PDIA2: variants seen among roughly 807,000 people sequenced by gnomAD.
The protein encoded by PDIA2 is protein disulfide isomerase family A member 2.
A neutral mutation model predicts 51.1 loss-of-function variants in PDIA2; 76 were observed. The observed-to-expected ratio is 1.49, with a 90% CI of 1.24 to 1.80. The LOEUF is 1.80. Ranked by LOEUF, PDIA2 falls within the 40% of genes most tolerant of loss-of-function variation. The pLI, the probability that PDIA2 is intolerant of heterozygous loss-of-function variation, is 0.00. For synonymous variants in PDIA2, 429 were observed against 309.9 expected, an observed-to-expected ratio of 1.38 and a Z score of -4.04; for missense variants, 946 against 706.5, an observed-to-expected ratio of 1.34 and a Z score of -3.84.
Position 285,292 on chromosome 16 carries a change from G to A in PDIA2, c.796-20G>A, listed in dbSNP as rs779130759. Reference sequence around the variant, plus strand: ...TAGGCTGGGGGTCCTGTGGAGTCATGAGCACCCTCCCTACTGTAGACGTCT... The same window carrying A: ...TAGGCTGGGGGTCCTGTGGAGTCATAAGCACCCTCCCTACTGTAGACGTCT... On this transcript the variant is annotated intron_variant, in intron 5 of 10. Transcript: ENST00000219406. The A allele has an allele frequency of 6.2e-7, 1 of 1,612,472 alleles. No individual in the cohort carries two copies.
Position 285,569 on chromosome 16 carries a change from A to G in PDIA2, c.985A>G (p.Lys329Glu). 6.2e-7 allele frequency: 1 copy of G among 1,613,096 alleles called. No individual in the cohort carries two copies. Residue 329 changes from lysine to glutamate, a missense_variant, in exon 7 of 11, where the codon AAG becomes GAG. Coordinates refer to ENST00000219406, the MANE Select transcript of PDIA2 (RefSeq NM_006849.4). ...NEHVLQYFGL[K>E]AEAAPTLRLV... Reference sequence around the variant, plus strand: ...GCACGTGCTGCAGTACTTTGGACTCAAGGCTGAGGCAGCCCCCACTCTGCG... The same window carrying G: ...GCACGTGCTGCAGTACTTTGGACTCGAGGCTGAGGCAGCCCCCACTCTGCG...
chr16:284,235 G>C, intron 1 of PDIA2, 152 bp from the exon 2 acceptor site: 1 of 749,496 alleles, frequency 1.3e-6, no homozygotes, highest in South Asian at 1.7e-5. Flanking sequence ...GCAGCCTGGG[G>C]GGCCACGAAG....
In PDIA2 at chr16:284,780, T is replaced by C; in HGVS notation, c.528T>C (p.Ile176=). 1 of 1,570,540 alleles carries C rather than the reference T, an allele frequency of 6.4e-7. No homozygotes were observed. Among genetic ancestry groups the C allele is most frequent in the Non-Finnish European group, 8.6e-7 (1 of 1,162,020 alleles). ...ALIGGRDLVV[I]GFFQDLQDED... ...TCGGTGGCCGGGACCTAGTGGTCAT[T>C]GGCTTCTTCCAGGTGAGCCACTGGG... is the stretch of plus-strand genomic sequence containing the variant. Residue 176 remains isoleucine (I), a synonymous_variant, in exon 3 of 11, where the codon ATT becomes ATC. Coordinates refer to ENST00000219406, the MANE Select transcript of PDIA2 (RefSeq NM_006849.4).
Position 286,666 on chromosome 16 carries a change from C to A in PDIA2, c.1353C>A (p.Asn451Lys). 2 of 1,612,670 alleles carry A rather than the reference C, an allele frequency of 1.2e-6. No homozygotes were observed. The highest frequency in any genetic ancestry group is 1.7e-6 in the Non-Finnish European group (2 of 1,179,792). ...TTGCTGAGCTGGATGCCACGGCCAA[C>A]GAGCTGGATGCCTTCGCTGTGCACG... ...IIIAELDATA[N>K]ELDAFAVHGF... Residue 451 changes from asparagine (N) to lysine (K), a missense_variant, in exon 9 of 11, where the codon AAC becomes AAA. Physicochemically the swap from Asn to Lys is moderately conservative, Grantham distance 94. Coordinates refer to ENST00000219406, the MANE Select transcript of PDIA2 (RefSeq NM_006849.4).
At position 287,099 on chromosome 16, in the gene PDIA2, A is replaced by G. The variant is rs999600496; in HGVS notation, c.1564A>G (p.Lys522Glu). The change falls in exon 11 of 11, where the codon AAG (lysine) becomes GAG (glutamate). Residue 522 changes from lysine (K) to glutamate (E), a missense_variant. Coordinates refer to ENST00000219406, the MANE Select transcript of PDIA2 (RefSeq NM_006849.4). ...EPPANSTMGS[K>E]EEL ...ACCGGCCAACTCCACTATGGGGTCC[A>G]AGGAGGAACTGTAGCTGCCCCCGTG... The G allele has an allele frequency of 2.5e-6, 4 of 1,612,636 alleles. No individual in the cohort carries two copies. Among genetic ancestry groups the G allele is most frequent in the Non-Finnish European group, 3.4e-6 (4 of 1,179,954 alleles).
intron 1 of PDIA2, chr16:284,159 A>G: frequency 6.8e-6 from 4 of 590,894 alleles, no homozygotes; most frequent in Non-Finnish European, 1.2e-5. Flanking sequence ...TGAGCCACTG[A>G]GCCTGGCTGT....
At chr16:284,326 G>A (rs770510878) in intron 1 of PDIA2, 61 bp from the exon 2 acceptor site, 1 of 1,460,954 alleles carries the variant, frequency 6.8e-7, no homozygotes, top group Non-Finnish European at 9.2e-7. Flanking sequence ...GGGTTGTCAG[G>A]TGTGGAGAGG....
Position 286,731 on chromosome 16 carries a change from G to A in PDIA2, c.1418G>A (p.Arg473Gln), listed in dbSNP as rs116969376. 6.6e-3 allele frequency: 10,723 copies of A among 1,612,868 alleles called. 45 individuals are homozygous for A. Among genetic ancestry groups the A allele is most frequent in the Middle Eastern group, 9.7e-3 (59 of 6,062 alleles). Residue 473 changes from arginine to glutamine, a missense_variant, in exon 9 of 11, where the codon CGG becomes CAG. Transcript: ENST00000219406. ...AAGTACTTCCCAGCAGGGCCAGGTC[G>A]GAAGGTATGGCGGACAGGTGGCTGG... is the stretch of plus-strand genomic sequence containing the variant. ...TLKYFPAGPG[R>Q]KVIEYKSTRD...
Position 285,353 on chromosome 16 carries a change from G to A in PDIA2, c.837G>A (p.Leu279=). The stretch of plus-strand genomic sequence containing the variant: ...TCGCGGCCAGGATCCTCAACCACCT[G>A]CTGCTGTTTGTCAACCAGACGCTGG... ...KIFAARILNH[L]LLFVNQTLAA... is the part of the protein sequence containing the mutation. Residue 279 remains leucine (L), a synonymous_variant, in exon 6 of 11, where the codon CTG becomes CTA. Transcript: ENST00000219406. The A allele has an allele frequency of 1.9e-6, 3 of 1,612,970 alleles. No homozygotes were observed. The highest frequency in any genetic ancestry group is 2.5e-6 in the Non-Finnish European group (3 of 1,179,924).
chr16:285,907 A>G (rs2052355421), intron 7 of PDIA2, among the ~76,000 whole-genome samples: 2 of 100,128 alleles, frequency 2.0e-5, no homozygotes, highest in Non-Finnish European at 3.8e-5. Flanking sequence ...GGTTCTCCCA[A>G]CCCCAACCCC....
chr16:284,857 T>G lies in PDIA2; in HGVS notation c.541-21T>G, dbSNP rs767928880. 2.5e-6 allele frequency: 4 copies of G among 1,610,194 alleles called. No individual in the cohort carries two copies. In the South Asian group the frequency reaches 4.4e-5, roughly 18 times the overall value. ...TGACTGTGGGTGGGACCGGGTGGCC[T>G]CACAGGGCCAGGCCCCTCAGGACCT... On this transcript the variant is annotated intron_variant, in intron 3 of 10. Coordinates refer to ENST00000219406, the MANE Select transcript of PDIA2 (RefSeq NM_006849.4).
chr16:285,625 T>C lies in PDIA2; in HGVS notation c.1041T>C (p.Tyr347=), dbSNP rs746279682. The change falls in exon 7 of 11, where the codon TAT becomes TAC. Residue 347 remains tyrosine (Y), a synonymous_variant. Transcript: ENST00000219406. The part of the protein sequence containing the change: ...RLVNLETTKK[Y]APVDGGPVTA... ...TCAACCTTGAAACCACTAAGAAGTA[T>C]GCGCCTGTGGATGGGGGCCCTGTCA... is the stretch of plus-strand genomic sequence containing the variant. The C allele has an allele frequency of 1.3e-5, 21 of 1,613,232 alleles. No individual in the cohort carries two copies. Among genetic ancestry groups the C allele is most frequent in the South Asian group, 6.6e-5 (6 of 91,086 alleles).
intron 10 of PDIA2, 52 bp from the exon 11 acceptor site, chr16:287,017 G>T: frequency 1.3e-5 from 21 of 1,612,152 alleles, no homozygotes; most frequent in Non-Finnish European, 1.7e-5. Context: ...AGGGGCGGGG[G>T]CAGGGGTAGG....
rs760347634 is a variant in PDIA2, at chr16:285,491, G to A, written c.922-15G>A. ...CGGGAGAGTGGCCGGTGCCAGCATG[G>A]ACTCCCTGCCACAGGTGCTGTTCGT... On this transcript the variant is annotated splice_polypyrimidine_tract_variant and intron_variant, in intron 6 of 10. Coordinates refer to ENST00000219406, the MANE Select transcript of PDIA2 (RefSeq NM_006849.4). 11 of 1,612,234 alleles carry A rather than the reference G, an allele frequency of 6.8e-6. No individual in the cohort carries two copies. The highest frequency in any genetic ancestry group is 9.3e-6 in the Non-Finnish European group (11 of 1,179,880).
chr16:283,733 C>T (rs2141446611), intron 1 of PDIA2, among the ~76,000 whole-genome samples: 1 of 152,368 alleles, frequency 6.6e-6, no homozygotes, highest in African/African-American at 2.4e-5. Context: ...ATGGAGGTCC[C>T]TGACGTGTGT....
At position 286,345 on chromosome 16, in the gene PDIA2, T is replaced by C; in HGVS notation, c.1120-8T>C. ...CCCTGGCAAAGCGCCTGTCCTGGTT[T>C]CCCCCAGCCCTATCTCCTGAGCCAG... On this transcript the variant is annotated splice_polypyrimidine_tract_variant and splice_region_variant and intron_variant, in intron 7 of 10. Coordinates refer to ENST00000219406, the MANE Select transcript of PDIA2 (RefSeq NM_006849.4). 1 of 1,603,784 alleles carries C rather than the reference T, an allele frequency of 6.2e-7. No homozygotes were observed. Among genetic ancestry groups the C allele is most frequent in the East Asian group, 2.2e-5 (1 of 44,522 alleles).
In PDIA2 at chr16:284,604, G is replaced by A. The variant is rs201969155; in HGVS notation, c.406+11G>A. 16 of 1,608,384 alleles carry A rather than the reference G, an allele frequency of 9.9e-6. No individual in the cohort carries two copies. The highest frequency in any genetic ancestry group is 2.7e-5 in the African/African-American group (2 of 73,166). On this transcript the variant is annotated intron_variant, in intron 2 of 10. Coordinates refer to ENST00000219406, the MANE Select transcript of PDIA2 (RefSeq NM_006849.4). ...CGGAGGAGTACACAGGTGAGGGGCA[G>A]GCCGGTCATTGGGGGGGCGGTGGCC... is the stretch of plus-strand genomic sequence containing the variant.
rs2052341031 is a variant in PDIA2 at position 285,428 on chromosome 16, C to T, written c.912C>T (p.Phe304=). Residue 304 remains phenylalanine, a synonymous_variant, in exon 6 of 11, where the codon TTC becomes TTT. Coordinates refer to ENST00000219406, the MANE Select transcript of PDIA2 (RefSeq NM_006849.4). Reference sequence around the variant, plus strand: ...GCTTTGGGGAGGCAGCTCCCCGCTTCCGGGGGCAGGTACTGGGGGGCTGGG... The same window carrying T: ...GCTTTGGGGAGGCAGCTCCCCGCTTTCGGGGGCAGGTACTGGGGGGCTGGG... ...LAGFGEAAPR[F]RGQVLFVVVD... The T allele has an allele frequency of 1.9e-6, 3 of 1,611,018 alleles. No individual in the cohort carries two copies. Among genetic ancestry groups the T allele is most frequent in the Non-Finnish European group, 2.5e-6 (3 of 1,179,334 alleles).
rs776288299 is a variant in PDIA2, at chr16:286,646, G to A, written c.1333G>A (p.Glu445Lys). 1 of 1,612,636 alleles carries A rather than the reference G, an allele frequency of 6.2e-7. No homozygotes were observed. The highest frequency in any genetic ancestry group is 1.3e-5 in the African/African-American group (1 of 75,048). The change falls in exon 9 of 11, where the codon GAG (glutamate) becomes AAG (lysine). Residue 445 changes from glutamate (E) to lysine (K), a missense_variant. By Grantham distance (56) the Glu-to-Lys change is moderately conservative. Coordinates refer to ENST00000219406, the MANE Select transcript of PDIA2 (RefSeq NM_006849.4). ...AGACCACGAGGACATCATCATTGCT[G>A]AGCTGGATGCCACGGCCAACGAGCT... Reference protein sequence around the residue: ...YQDHEDIIIAELDATANELDA... With the variant: ...YQDHEDIIIAKLDATANELDA...
Sources: allele counts gnomAD v4.1 joint callset (sites outside exome capture counted in the v4.1 genomes callset), GRCh38; gene constraint gnomAD v4.1.1; transcripts MANE v1.5; gene names NCBI Gene and HGNC (gene_info 2026-07-23, HGNC 2026-07-21).